The following DCAF8L2 variants were observed in gnomAD, a reference collection of about 807,000 sequenced individuals.
DCAF8L2 encodes DDB1 and CUL4 associated factor 8 like 2.
For synonymous variants in DCAF8L2, 200 were observed against 190.9 expected, an observed-to-expected ratio of 1.05 and a Z score of -0.39; for missense variants, 430 against 490.7, an observed-to-expected ratio of 0.88 and a Z score of 1.17.
At chrX:27,640,363 G>A (rs920804741) in intron 2 of DCAF8L2, among the ~76,000 whole-genome samples, 2 of 108,832 alleles carry the variant, frequency 1.8e-5, no homozygotes, top group African/African-American at 3.4e-5. Context: ...GTGTAGATTT[G>A]GGAGTCTGGC....
chrX:27,526,798 C>T, the DCAF8L2 span, among the ~76,000 whole-genome samples: 1 of 112,510 alleles, frequency 8.9e-6, no homozygotes, highest in Non-Finnish European at 1.9e-5. Flanking sequence ...CACTCCAGAC[C>T]CTGTTTGCCT....
At chrX:27,669,194 G>A (rs188201482) in intron 2 of DCAF8L2, among the ~76,000 whole-genome samples, 67 of 111,459 alleles carry the variant, frequency 6.0e-4, no homozygotes, top group African/African-American at 2.0e-3. Context: ...TTGTCAAACA[G>A]TAAAGGGAAA....
chrX:27,483,574 G>T, the DCAF8L2 span, among the ~76,000 whole-genome samples: 1 of 110,881 alleles, frequency 9.0e-6, no homozygotes, highest in African/African-American at 3.3e-5. Flanking sequence ...CTTTTGTCCA[G>T]TTGGGCTTTG....
the DCAF8L2 span, among the ~76,000 whole-genome samples, chrX:27,512,779 CAAAAAAAAAAAAAA>C: frequency 7.5e-4 from 14 of 18,549 alleles, no homozygotes; most frequent in Non-Finnish European, 1.0e-3. Flanking sequence ...CAATCTTGAG[CAAAAAAAAAAAAAA>C]AAAAAAAAAA....
intron 2 of DCAF8L2, among the ~76,000 whole-genome samples, chrX:27,634,368 CAT>C (rs1289235596): frequency 9.0e-6 from 1 of 111,701 alleles, no homozygotes; most frequent in Non-Finnish European, 1.9e-5. Context: ...AGATTCAGTT[CAT>C]ATGTTACCTC....
intron 4 of DCAF8L2, among the ~76,000 whole-genome samples, chrX:27,721,088 G>T (rs1187876559): frequency 1.8e-5 from 2 of 111,461 alleles, no homozygotes; most frequent in Non-Finnish European, 3.8e-5. Flanking sequence ...ATTTTAAAGG[G>T]TTTTCCACAT....
intron 2 of DCAF8L2, among the ~76,000 whole-genome samples, chrX:27,651,671 C>T (rs1408393712): frequency 2.8e-5 from 3 of 108,986 alleles, no homozygotes; most frequent in Non-Finnish European, 3.8e-5. Context: ...CCACCACACC[C>T]AGCTAATTTT....
At chrX:27,497,509 T>TTTCTTTCTTTCCTTCC in the DCAF8L2 span, among the ~76,000 whole-genome samples, 1 of 46,528 alleles carries the variant, frequency 2.1e-5, no homozygotes, top group African/African-American at 9.6e-5. Flanking sequence ...TCTTTCTTTC[T>TTTCTTTCTTTCCTTCC]TTCCTTCCTT....
chrX:27,471,367 C>T, the DCAF8L2 span, among the ~76,000 whole-genome samples: 14 of 111,311 alleles, frequency 1.3e-4, no homozygotes, highest in South Asian at 3.8e-4. Context: ...TCCTGCAGTC[C>T]GTTCTCACAG....
chrX:27,673,507 C>CAAA (rs57955039), intron 2 of DCAF8L2, among the ~76,000 whole-genome samples: 683 of 54,269 alleles, frequency 0.013, 22 homozygotes, highest in African/African-American at 0.015. Flanking sequence ...GATTCCATCT[C>CAAA]AAAAAAAAAA....
chrX:27,551,106 CCCCTA>C, the DCAF8L2 span, among the ~76,000 whole-genome samples: 2 of 109,158 alleles, frequency 1.8e-5, no homozygotes, highest in Non-Finnish European at 3.8e-5. Context: ...CCTGGCTGTT[CCCCTA>C]TCTCTCTTCC....
intron 3 of DCAF8L2, among the ~76,000 whole-genome samples, chrX:27,688,220 C>CT (rs912686725): frequency 1.5e-4 from 17 of 111,236 alleles, no homozygotes; most frequent in African/African-American, 4.2e-4. Flanking sequence ...AGTTTAGCAT[C>CT]TTTTTTTTAC....
At chrX:27,560,073 C>T in the DCAF8L2 span, among the ~76,000 whole-genome samples, 2 of 110,398 alleles carry the variant, frequency 1.8e-5, no homozygotes, top group East Asian at 5.8e-4. Context: ...CGAGACCATC[C>T]TGGCTAACAC....
At chrX:27,542,882 C>T in the DCAF8L2 span, among the ~76,000 whole-genome samples, 2 of 111,318 alleles carry the variant, frequency 1.8e-5, no homozygotes, top group East Asian at 5.7e-4. Context: ...ATTCTGGATA[C>T]TAGACCTTTG....
intron 1 of DCAF8L2, among the ~76,000 whole-genome samples, chrX:27,590,991 T>TTTTATATATATA (rs761150025): frequency 2.9e-5 from 2 of 68,064 alleles, no homozygotes; most frequent in Admixed American, 2.0e-4. Flanking sequence ...CCTTTACATT[T>TTTTATATATATA]TATATATATA....
the DCAF8L2 span, among the ~76,000 whole-genome samples, chrX:27,515,788 T>C: frequency 8.9e-6 from 1 of 111,936 alleles, no homozygotes; most frequent in Admixed American, 9.5e-5. Context: ...TGAACATTTA[T>C]GTTTCAAAAC....
At chrX:27,528,791 C>T in the DCAF8L2 span, among the ~76,000 whole-genome samples, 1 of 110,760 alleles carries the variant, frequency 9.0e-6, no homozygotes, top group Non-Finnish European at 1.9e-5. Context: ...ATAAACTGAG[C>T]GTCATTCAGT....
intron 1 of DCAF8L2, among the ~76,000 whole-genome samples, chrX:27,621,990 TCAA>T (rs1292911527): frequency 2.8e-5 from 3 of 108,049 alleles, no homozygotes; most frequent in African/African-American, 6.8e-5. Flanking sequence ...AGACCTTATC[TCAA>T]CAACAACAAC....
the DCAF8L2 span, among the ~76,000 whole-genome samples, chrX:27,576,630 C>G: frequency 1.8e-5 from 2 of 111,336 alleles, no homozygotes; most frequent in Non-Finnish European, 3.8e-5. Flanking sequence ...TTTTTCAACA[C>G]AAAATTTTAA....
Sources: allele counts gnomAD v4.1 joint callset (sites outside exome capture counted in the v4.1 genomes callset), GRCh38; gene constraint gnomAD v4.1.1; transcripts MANE v1.5; gene names NCBI Gene and HGNC (gene_info 2026-07-23, HGNC 2026-07-21).